Variants in WDR93 observed in about 807,000 individuals in gnomAD.
WDR93 encodes the protein WD repeat-containing protein 93.
Under a neutral mutation model 82.9 loss-of-function variants are expected in WDR93, and 73 were observed. That is an observed-to-expected ratio of 0.88 (90% CI 0.73 to 1.07). The LOEUF is 1.07. WDR93 is among the 50% of genes least tolerant of loss of function. The probability of loss-of-function intolerance (pLI) is 0.00; values close to 1 mark genes in which losing one functional copy is unlikely to be tolerated. For missense variants in WDR93, 738 were observed against 826.0 expected, an observed-to-expected ratio of 0.89 and a Z score of 1.31; for synonymous variants, 283 against 300.1, an observed-to-expected ratio of 0.94 and a Z score of 0.59.
intron 11 of WDR93, among the ~76,000 whole-genome samples, chr15:89,731,158 C>A (rs1247406509): frequency 6.6e-6 from 1 of 152,112 alleles, no homozygotes; most frequent in Non-Finnish European, 1.5e-5. Context: ...TGTGAGAATG[C>A]AATGAAATTA....
chr15:89,714,728 T>C (rs1966163358), intron 5 of WDR93, among the ~76,000 whole-genome samples: 2 of 152,214 alleles, frequency 1.3e-5, no homozygotes, highest in Admixed American at 1.3e-4. Flanking sequence ...GCTGTTAGTG[T>C]GAGAAGCCCC....
intron 1 of WDR93, among the ~76,000 whole-genome samples, chr15:89,691,266 G>A (rs1228180642): frequency 1.3e-5 from 2 of 152,170 alleles, no homozygotes; most frequent in African/African-American, 2.4e-5. Context: ...AAAGAAGATT[G>A]TTACCTGAGG....
In WDR93 at chr15:89,731,444, C is replaced by A; in HGVS notation, c.1212C>A (p.Asp404Glu). ...SLNRTLKDKA[D>E]PEGVWPCAAP... ...GTTGAGTATTGTCCTTCCCCCTAGA[C>A]CCCGAGGGTGTGTGGCCCTGTGCTG... The change falls in exon 12 of 17, where the codon GAC becomes GAA. Residue 404 changes from aspartate (D) to glutamate (E), a missense_variant and splice_region_variant. Coordinates refer to ENST00000268130, the MANE Select transcript of WDR93 (RefSeq NM_020212.2). The A allele has an allele frequency of 4.3e-6, 7 of 1,614,084 alleles. No homozygotes were observed. Among genetic ancestry groups the A allele is most frequent in the Non-Finnish European group, 5.9e-6 (7 of 1,179,988 alleles).
At chr15:89,714,912 G>A in intron 5 of WDR93, 68 bp from the exon 6 acceptor site, 2 of 1,347,970 alleles carry the variant, frequency 1.5e-6, no homozygotes, top group Non-Finnish European at 1.0e-6. Flanking sequence ...AAGAAGACAG[G>A]CCATTTCTCA....
intron 1 of WDR93, among the ~76,000 whole-genome samples, chr15:89,694,167 T>C (rs77661102): frequency 0.016 from 2,479 of 152,236 alleles, 81 homozygotes; most frequent in African/African-American, 0.057. Flanking sequence ...TTTTTATGAG[T>C]CTATCTGCCA....
chr15:89,709,916 T>G (rs1384474771), intron 4 of WDR93, among the ~76,000 whole-genome samples: 1 of 151,260 alleles, frequency 6.6e-6, no homozygotes, highest in African/African-American at 2.4e-5. Context: ...ATCCCAGTAC[T>G]GTGGGAGGCT....
At position 89,690,817 on chromosome 15, in the gene WDR93, G is replaced by A. The variant is rs1964829819; in HGVS notation, c.-81G>A. 3 of 560,280 alleles carry A rather than the reference G, an allele frequency of 5.4e-6. No individual in the cohort carries two copies. Among genetic ancestry groups the A allele is most frequent in the South Asian group, 2.1e-5 (1 of 46,886 alleles). 34.7% of individuals were successfully genotyped at this position (560,280 alleles called of 1,614,324 possible). A position where few individuals can be genotyped will look rare whatever the true frequency, so the allele number is the denominator to read the frequency against. On this transcript the variant is annotated 5_prime_UTR_variant, in exon 1 of 17. Coordinates refer to ENST00000268130, the MANE Select transcript of WDR93 (RefSeq NM_020212.2). ...CTTCGCGGACTTCCGGTTCAAGCCG[G>A]AAGTTGTGGTTACCAAGGCGACGCA...
At chr15:89,733,814 T>A (rs62023383) in intron 13 of WDR93, among the ~76,000 whole-genome samples, 1,778 of 152,282 alleles carry the variant, frequency 0.012, 15 homozygotes, top group Non-Finnish European at 0.021. Context: ...TTATACATTA[T>A]CCAGTTTCAG....
At chr15:89,729,871 CT>C in intron 11 of WDR93, 102 bp downstream of exon 11, 2 of 967,020 alleles carry the variant, frequency 2.1e-6, no homozygotes, top group Non-Finnish European at 3.2e-6. Context: ...TCAAGTGTCA[CT>C]TTAGGGACCA....
intron 2 of WDR93, 115 bp from the exon 3 acceptor site, chr15:89,702,835 A>G (rs1472347633): frequency 8.3e-7 from 1 of 1,210,212 alleles, no homozygotes; most frequent in Non-Finnish European, 1.1e-6. Flanking sequence ...CACTGCGTCC[A>G]GCCAGGAAAT....
At chr15:89,731,875 A>G (rs929528998) in intron 12 of WDR93, among the ~76,000 whole-genome samples, 2 of 152,332 alleles carry the variant, frequency 1.3e-5, no homozygotes, top group Middle Eastern at 3.4e-3. Flanking sequence ...CTGGCACAGT[A>G]CAAGTGATCA....
intron 4 of WDR93, among the ~76,000 whole-genome samples, chr15:89,711,605 C>T (rs1311248999): frequency 6.6e-6 from 1 of 151,510 alleles, no homozygotes; most frequent in East Asian, 1.9e-4. Flanking sequence ...AGGTTTCATA[C>T]TAAGGTTACA....
chr15:89,737,785 T>C, intron 15 of WDR93, 56 bp downstream of exon 15: 1 of 1,606,640 alleles, frequency 6.2e-7, no homozygotes, highest in Non-Finnish European at 8.5e-7. Context: ...CTTAGTTCTC[T>C]CACAAACAGA....
chr15:89,702,547 G>A (rs925055285), intron 2 of WDR93, among the ~76,000 whole-genome samples: 1 of 150,518 alleles, frequency 6.6e-6, no homozygotes, highest in East Asian at 1.9e-4. Flanking sequence ...GTTTTTTGGG[G>A]TTTTTTTTTG....
chr15:89,724,729 G>T (rs543804506), intron 8 of WDR93, among the ~76,000 whole-genome samples: 160 of 152,176 alleles, frequency 1.1e-3, no homozygotes, highest in Non-Finnish European at 1.9e-3. Context: ...TCATTAGTCT[G>T]CAGGGAAGTG....
chr15:89,716,216 C>T (rs1164120743), intron 6 of WDR93, among the ~76,000 whole-genome samples: 2 of 152,270 alleles, frequency 1.3e-5, no homozygotes, highest in Admixed American at 6.5e-5. Context: ...TAAGCTATTA[C>T]AGAATGTTAT....
chr15:89,718,982 G>A (rs1478638499), intron 7 of WDR93, among the ~76,000 whole-genome samples: 2 of 152,138 alleles, frequency 1.3e-5, no homozygotes, highest in African/African-American at 4.8e-5. Flanking sequence ...GAAAAATACA[G>A]TTTTGTTTCA....
chr15:89,724,677 A>G (rs1454522909), intron 8 of WDR93, among the ~76,000 whole-genome samples: 1 of 152,232 alleles, frequency 6.6e-6, no homozygotes, highest in Non-Finnish European at 1.5e-5. Flanking sequence ...CACAAAAAAA[A>G]GATTATTTAA....
intron 8 of WDR93, among the ~76,000 whole-genome samples, chr15:89,722,389 G>C (rs769959125): frequency 2.0e-5 from 3 of 152,164 alleles, no homozygotes; most frequent in Non-Finnish European, 4.4e-5. Flanking sequence ...TTTCTGAATT[G>C]CCAGGTTGAG....
Sources: gnomAD v4.1 joint callset for allele counts (sites outside exome capture counted in the v4.1 genomes callset) on GRCh38, gnomAD v4.1.1 for gene constraint, MANE v1.5 for transcripts, NCBI Gene and HGNC (gene_info 2026-07-23, HGNC 2026-07-21) for gene names.